Variants in PTPRU observed in about 807,000 individuals in gnomAD.
The protein encoded by PTPRU is receptor-type tyrosine-protein phosphatase U.
A neutral mutation model predicts 166.3 loss-of-function variants in PTPRU; 69 were observed. The observed-to-expected ratio is 0.41, with a 90% confidence interval of 0.34 to 0.51. The LOEUF (loss-of-function observed/expected upper bound fraction) is 0.51, where lower values mean the gene tolerates loss of function less well. Among genes scored for constraint, PTPRU ranks in the 20% least tolerant of loss-of-function variants. The pLI, the probability that PTPRU is intolerant of heterozygous loss-of-function variation, is 0.09. For missense variants in PTPRU, 1,657 were observed against 2,013.7 expected (o/e 0.82, Z 3.39); for synonymous variants, 793 against 814.0 (o/e 0.97, Z 0.44).
chr1:29,282,886 C>T lies in PTPRU; in HGVS notation c.2079C>T (p.Asn693=), dbSNP rs1370713276. The change falls in exon 12 of 30, where the codon AAC becomes AAT. Residue 693 remains asparagine (N), a synonymous_variant. Transcript: ENST00000373779. The part of the protein sequence containing the change: ...GDNQTYRGFW[N]PPLEPRKAYL... ...ACCAGACCTACCGAGGCTTCTGGAA[C>T]CCACCACTTGAGCCTAGGAAGGCCT... is the stretch of plus-strand genomic sequence containing the variant. 1.2e-6 allele frequency: 2 copies of T among 1,613,998 alleles called. No individual in the cohort carries two copies. The highest frequency in any genetic ancestry group is 1.7e-6 in the Non-Finnish European group (2 of 1,179,994).
chr1:29,292,865 G>C (rs1227491213), intron 15 of PTPRU, among the ~76,000 whole-genome samples: 1 of 148,638 alleles, frequency 6.7e-6, no homozygotes, highest in Non-Finnish European at 1.5e-5. Context: ...ACCCAGGCTG[G>C]AGTGCAGTGG....
intron 18 of PTPRU, 135 bp from the exon 19 acceptor site, chr1:29,310,609 G>A (rs1687608557): frequency 2.2e-6 from 2 of 907,648 alleles, no homozygotes; most frequent in Admixed American, 3.6e-5. Context: ...TCCTGCTTAG[G>A]AGGTCCTAGG....
At chr1:29,300,311 T>G (rs953196564) in intron 15 of PTPRU, among the ~76,000 whole-genome samples, 1 of 152,242 alleles carries the variant, frequency 6.6e-6, no homozygotes, top group African/African-American at 2.4e-5. Context: ...AAGATGTTTA[T>G]GAAACATTGC....
intron 14 of PTPRU, among the ~76,000 whole-genome samples, chr1:29,285,572 G>A (rs1205861649): frequency 6.6e-6 from 1 of 152,214 alleles, no homozygotes; most frequent in African/African-American, 2.4e-5. Flanking sequence ...CAGAAATGTA[G>A]GATTTAGGAC....
intron 25 of PTPRU, among the ~76,000 whole-genome samples, chr1:29,319,242 A>C (rs1461617735): frequency 6.6e-6 from 1 of 152,142 alleles, no homozygotes; most frequent in African/African-American, 2.4e-5. Flanking sequence ...TAAACTTAGG[A>C]AGCTGTGCCC....
In PTPRU at chr1:29,259,944, G is replaced by A. The variant is rs1403776241; in HGVS notation, c.750G>A (p.Pro250=). Residue 250 remains proline (P), a synonymous_variant, in exon 6 of 30, where the codon CCG becomes CCA. Transcript: ENST00000373779. ...ISHRRFLATF[P]LAAVSRAEQD... is the part of the protein sequence containing the mutation. Reference sequence around the variant, plus strand: ...ACCGGCGCTTCCTGGCCACTTTCCCGCTGGCTGCCGTGAGCCGCGCCGAGC... The same window carrying A: ...ACCGGCGCTTCCTGGCCACTTTCCCACTGGCTGCCGTGAGCCGCGCCGAGC... 3 of 1,537,560 alleles carry A rather than the reference G, an allele frequency of 2.0e-6. No individual in the cohort carries two copies. Among genetic ancestry groups the A allele is most frequent in the Middle Eastern group, 2.0e-4 (1 of 5,006 alleles).
At chr1:29,286,444 A>G (rs952768571) in intron 14 of PTPRU, among the ~76,000 whole-genome samples, 1 of 152,206 alleles carries the variant, frequency 6.6e-6, no homozygotes, top group East Asian at 1.9e-4. Flanking sequence ...TAATGAAAGC[A>G]CCTTGCCCAG....
At chr1:29,256,394 G>A (rs1011542199) in intron 2 of PTPRU, among the ~76,000 whole-genome samples, 1 of 152,190 alleles carries the variant, frequency 6.6e-6, no homozygotes, top group African/African-American at 2.4e-5. Context: ...TCCACAGCCT[G>A]AAGCCCACTC....
intron 15 of PTPRU, among the ~76,000 whole-genome samples, chr1:29,298,802 A>C (rs1687010874): frequency 6.6e-6 from 1 of 152,206 alleles, no homozygotes; most frequent in Admixed American, 6.5e-5. Flanking sequence ...CTTCCATTTA[A>C]TGAGCAAGTA....
chr1:29,313,033 A>G (rs1260616746), intron 22 of PTPRU, among the ~76,000 whole-genome samples: 1 of 152,106 alleles, frequency 6.6e-6, no homozygotes, highest in Non-Finnish European at 1.5e-5. Context: ...TTTTTGTTGC[A>G]CACCTGCCGC....
chr1:29,322,577 G>T (rs1031277839), intron 26 of PTPRU, among the ~76,000 whole-genome samples: 33 of 152,228 alleles, frequency 2.2e-4, no homozygotes, highest in African/African-American at 7.7e-4. Context: ...AGGACCTGAG[G>T]CAAAATGAGG....
At position 29,326,491 on chromosome 1, in the gene PTPRU, T is replaced by G. The variant is rs1403301813; in HGVS notation, c.*830T>G. 2.0e-5 allele frequency: 3 copies of G among 152,820 alleles called. No individual in the cohort carries two copies. The East Asian group carries it at 5.8e-4, about 29-fold the overall frequency. 9.5% of individuals were successfully genotyped at this position (152,820 alleles called of 1,614,324 possible). On this transcript the variant is annotated 3_prime_UTR_variant, in exon 30 of 30. Transcript: ENST00000373779. ...AAGGCTGAACAACAGCCCCTGGGGT[T>G]GAGGCCCCTGTGGCTCCTGGTCAGG...
At chr1:29,284,960 C>A (rs1427074214) in intron 14 of PTPRU, 91 bp downstream of exon 14, 2 of 1,488,200 alleles carry the variant, frequency 1.3e-6, no homozygotes, top group African/African-American at 1.4e-5. Flanking sequence ...GCTGGTAGGG[C>A]AGCTGTCCTG....
intron 1 of PTPRU, among the ~76,000 whole-genome samples, chr1:29,247,197 C>T (rs983659465): frequency 1.3e-5 from 2 of 152,230 alleles, no homozygotes; most frequent in African/African-American, 4.8e-5. Context: ...TGGCATTCCT[C>T]CATACACCTA....
intron 18 of PTPRU, 144 bp from the exon 19 acceptor site, chr1:29,310,600 C>A (rs1395809993): frequency 1.8e-5 from 15 of 856,844 alleles, no homozygotes; most frequent in South Asian, 1.0e-4. Flanking sequence ...GCAAAGTCAT[C>A]CTGCTTAGGA....
chr1:29,299,462 G>A (rs1486109623), intron 15 of PTPRU, among the ~76,000 whole-genome samples: 1 of 152,190 alleles, frequency 6.6e-6, no homozygotes, highest in East Asian at 1.9e-4. Flanking sequence ...GAATTGGAGG[G>A]TCCTTTTGGG....
chr1:29,326,784 G>C lies in PTPRU; in HGVS notation c.*1123G>C, dbSNP rs932209635. On this transcript the variant is annotated 3_prime_UTR_variant, in exon 30 of 30. Transcript: ENST00000373779. ...TTTGTAAAGCGCTTTGTAAATAAACGTGCTCTCTGAATGCCACAGAGCAGC... is the reference window on the plus strand; with the variant it reads ...TTTGTAAAGCGCTTTGTAAATAAACCTGCTCTCTGAATGCCACAGAGCAGC... 1 of 152,182 alleles carries C rather than the reference G, an allele frequency of 6.6e-6. No individual in the cohort carries two copies. Among genetic ancestry groups the C allele is most frequent in the African/African-American group, 2.4e-5 (1 of 41,402 alleles). The allele number at this position is 152,182 out of a possible 1,614,324, so 9.4% of individuals were successfully genotyped here. A position where few individuals can be genotyped will look rare whatever the true frequency, so the allele number is the denominator to read the frequency against.
intron 15 of PTPRU, among the ~76,000 whole-genome samples, chr1:29,302,151 A>ATGTGTGTGTGTGTGTGTG (rs138316498): frequency 2.5e-4 from 35 of 142,314 alleles, no homozygotes; most frequent in African/African-American, 7.7e-4. Flanking sequence ...GCTAATGTGT[A>ATGTGTGTGTGTGTGTGTG]TGTGTGTGTG....
intron 1 of PTPRU, among the ~76,000 whole-genome samples, chr1:29,243,753 A>T (rs190724002): frequency 7.9e-5 from 12 of 152,316 alleles, no homozygotes; most frequent in Admixed American, 5.2e-4. Context: ...CAGGGCCTAT[A>T]CGTGGGAGAT....
Sources: gnomAD v4.1 joint callset for allele counts (sites outside exome capture counted in the v4.1 genomes callset) on GRCh38, gnomAD v4.1.1 for gene constraint, MANE v1.5 for transcripts, NCBI Gene and HGNC (gene_info 2026-07-23, HGNC 2026-07-21) for gene names.